The following SLC28A1 variants were observed in gnomAD, a reference collection of about 807,000 sequenced individuals.
SLC28A1 encodes the protein sodium/nucleoside cotransporter 1.
In SLC28A1, 64 loss-of-function variants were observed where a neutral mutation model predicts 74.8. That is an observed-to-expected ratio of 0.86 (90% confidence interval 0.70 to 1.05). The LOEUF (loss-of-function observed/expected upper bound fraction) is 1.05, where lower values mean the gene tolerates loss of function less well. Ranked by LOEUF, SLC28A1 falls within the 50% of genes least tolerant of loss-of-function variation. SLC28A1 has a pLI of 0.00. For synonymous variants in SLC28A1, 359 were observed against 335.0 expected (o/e 1.07, Z -0.78); for missense variants, 828 against 822.8 (o/e 1.01, Z -0.08).
At position 84,933,138 on chromosome 15, in the gene SLC28A1, C is replaced by A. The variant is rs771023007; in HGVS notation, c.1084-7C>A. The A allele has an allele frequency of 2.7e-5, 44 of 1,612,924 alleles. No homozygotes were observed. Among genetic ancestry groups the A allele is most frequent in the Non-Finnish European group, 3.6e-5 (43 of 1,179,462 alleles). On this transcript the variant is annotated splice_polypyrimidine_tract_variant and splice_region_variant and intron_variant, in intron 12 of 18. Transcript: ENST00000394573. ...TCCACCTAGAACCTGCACTCTCACT[C>A]TTGCAGATCGATGCCACCTCGTTGA...
Position 84,944,516 on chromosome 15 carries a change from C to A in SLC28A1, c.1664-50C>A, listed in dbSNP as rs17215871. 86 of 1,308,388 alleles carry A rather than the reference C, an allele frequency of 6.6e-5. 1 individual carries two copies. The highest frequency in any genetic ancestry group is 2.3e-5 in the East Asian group (1 of 43,400). 81.0% of individuals were successfully genotyped at this position (1,308,388 alleles called of 1,614,324 possible). On this transcript the variant is annotated intron_variant, in intron 16 of 18. Transcript: ENST00000394573. Reference sequence around the variant, plus strand: ...TGCAGCCCGAGCTGCGGAACGCGGGCAGAGAGGGACACAGCTTCCCAGGCC... The same window carrying A: ...TGCAGCCCGAGCTGCGGAACGCGGGAAGAGAGGGACACAGCTTCCCAGGCC...
At chr15:84,885,451 G>T (rs899959160) in intron 1 of SLC28A1, among the ~76,000 whole-genome samples, 22 of 151,744 alleles carry the variant, frequency 1.4e-4, no homozygotes, top group Admixed American at 9.8e-4. Flanking sequence ...TGGAGAAAAG[G>T]CCAGGCGCGG....
At chr15:84,944,449 C>G (rs1973076185) in intron 16 of SLC28A1, 117 bp from the exon 17 acceptor site, 3 of 750,420 alleles carry the variant, frequency 4.0e-6, no homozygotes, top group Non-Finnish European at 7.2e-6. Flanking sequence ...ACATCTGTCC[C>G]TCTGGCCATC....
Position 84,887,852 on chromosome 15 carries a change from G to A in SLC28A1, c.92G>A (p.Ser31Asn). ...AACATGGGGGCTGATTTCTTGGAAAGCCTGGTCTGTACCCTTCCCCATCAG... is the reference window on the plus strand; with the variant it reads ...AACATGGGGGCTGATTTCTTGGAAAACCTGGTCTGTACCCTTCCCCATCAG... ...LENMGADFLE[S>N]LEEGQLPRSD... is the part of the protein sequence containing the mutation. The change falls in exon 3 of 19, where the codon AGC becomes AAC. Residue 31 changes from serine to asparagine, a missense_variant. Transcript: ENST00000394573. The A allele has an allele frequency of 6.2e-7, 1 of 1,611,128 alleles. No homozygotes were observed. The highest frequency in any genetic ancestry group is 1.3e-5 in the African/African-American group (1 of 74,950).
the SLC28A1 span, among the ~76,000 whole-genome samples, chr15:84,956,442 C>CTTTCTTTCTTT: frequency 8.0e-6 from 1 of 124,568 alleles, no homozygotes; most frequent in Non-Finnish European, 1.6e-5. Context: ...TTCCTTCCTT[C>CTTTCTTTCTTT]CTTTCTTTCT....
chr15:84,921,101 A>T (rs1424744557), intron 11 of SLC28A1, 32 bp downstream of exon 11: 1 of 1,529,070 alleles, frequency 6.5e-7, no homozygotes, highest in Admixed American at 1.7e-5. Flanking sequence ...CCTCATGCTC[A>T]TCAGCAGCTT....
At chr15:84,927,862 G>T (rs894212512) in intron 12 of SLC28A1, among the ~76,000 whole-genome samples, 1 of 151,814 alleles carries the variant, frequency 6.6e-6, no homozygotes, top group African/African-American at 2.4e-5. Flanking sequence ...TTCAAAAATG[G>T]AAACCCAAAA....
chr15:84,932,996 A>G, intron 12 of SLC28A1, 149 bp from the exon 13 acceptor site: 1 of 750,928 alleles, frequency 1.3e-6, no homozygotes, highest in South Asian at 1.4e-5. Context: ...AAAAGGTATT[A>G]TTATTATTAG....
chr15:84,888,717 G>A, intron 3 of SLC28A1, 55 bp from the exon 4 acceptor site: 1 of 1,312,676 alleles, frequency 7.6e-7, no homozygotes, highest in Non-Finnish European at 1.1e-6. Flanking sequence ...CCAGCTGTAA[G>A]TTCCTGGGGG....
chr15:84,901,663 A>G (rs1230380518), intron 6 of SLC28A1, among the ~76,000 whole-genome samples: 1 of 152,270 alleles, frequency 6.6e-6, no homozygotes, highest in East Asian at 1.9e-4. Flanking sequence ...GCAGAAAGAG[A>G]TATTACCATA....
intron 10 of SLC28A1, among the ~76,000 whole-genome samples, chr15:84,920,719 T>G (rs1360311634): frequency 6.6e-6 from 1 of 152,106 alleles, no homozygotes; most frequent in Non-Finnish European, 1.5e-5. Context: ...TGTGTGTGTG[T>G]GTGTGCATTT....
chr15:84,912,388 T>C (rs1968384711), intron 9 of SLC28A1, among the ~76,000 whole-genome samples: 1 of 152,190 alleles, frequency 6.6e-6, no homozygotes. Flanking sequence ...AGCTGCTTCC[T>C]GCTGGGCCAT....
chr15:84,920,788 A>G (rs945262672), intron 10 of SLC28A1, among the ~76,000 whole-genome samples: 1 of 151,998 alleles, frequency 6.6e-6, no homozygotes, highest in African/African-American at 2.4e-5. Flanking sequence ...GGTGAAATGA[A>G]TGGCCTTGGG....
intron 6 of SLC28A1, 86 bp downstream of exon 6, chr15:84,895,209 G>A (rs1965851330): frequency 6.3e-7 from 1 of 1,583,590 alleles, no homozygotes; most frequent in South Asian, 1.1e-5. Context: ...AGGGCTGGAG[G>A]AGGAGGAAGG....
chr15:84,965,287 T>C, the SLC28A1 span, among the ~76,000 whole-genome samples: 1 of 152,188 alleles, frequency 6.6e-6, no homozygotes, highest in Non-Finnish European at 1.5e-5. Flanking sequence ...ATTGTAAGTT[T>C]CCTGAGGCCT....
chr15:84,904,132 T>C lies in SLC28A1; in HGVS notation c.497T>C (p.Leu166Pro), dbSNP rs768561876. Residue 166 changes from leucine to proline, a missense_variant, in exon 7 of 19, where the codon CTG becomes CCG. Physicochemically the swap from Leu to Pro is moderately conservative, Grantham distance 98. This residue lies in a region of SLC28A1 where 767 missense variants were observed against 753.5 expected (regional missense o/e 1.02). Coordinates refer to ENST00000394573, the MANE Select transcript of SLC28A1 (RefSeq NM_004213.5). The stretch of plus-strand genomic sequence containing the variant: ...CTTGCTGCTTTCCTGGGCCTGGTCC[T>C]GTGGCTGTCTCTGGACACCTCCCAG... ...LALAAFLGLV[L>P]WLSLDTSQRP... 11 of 1,614,196 alleles carry C rather than the reference T, an allele frequency of 6.8e-6. No individual in the cohort carries two copies. The highest frequency in any genetic ancestry group is 5.5e-5 in the South Asian group (5 of 91,064).
chr15:84,918,468 G>A (rs1969401430), intron 9 of SLC28A1, 56 bp from the exon 10 acceptor site: 2 of 1,415,590 alleles, frequency 1.4e-6, no homozygotes, highest in Non-Finnish European at 2.0e-6. Context: ...GCCCCGCCTG[G>A]CACCCTGCAT....
intron 10 of SLC28A1, 104 bp downstream of exon 10, chr15:84,918,708 C>A: frequency 1.2e-6 from 1 of 862,064 alleles, no homozygotes; most frequent in Non-Finnish European, 2.0e-6. Context: ...CCTCCCCAGA[C>A]ACACTGCTCC....
At position 84,887,791 on chromosome 15, in the gene SLC28A1, T is replaced by G; in HGVS notation, c.31T>G (p.Ser11Ala). MENDPSRRRE[S>A]ISLTPVAKGL... ...GAACGACCCCTCGAGACGAAGAGAGTCCATCTCTCTCACACCTGTGGCCAA... is the reference window on the plus strand; with the variant it reads ...GAACGACCCCTCGAGACGAAGAGAGGCCATCTCTCTCACACCTGTGGCCAA... The change falls in exon 3 of 19, where the codon TCC (serine) becomes GCC (alanine). Residue 11 changes from serine to alanine, a missense_variant. Ser to Ala is a moderately conservative substitution (Grantham distance 99, BLOSUM62 1). Around this residue, in one of 3 missense-constraint regions of SLC28A1, gnomAD observed 767 missense variants for 753.5 expected, o/e 1.02. Coordinates refer to ENST00000394573, the MANE Select transcript of SLC28A1 (RefSeq NM_004213.5). 1 of 1,613,336 alleles carries G rather than the reference T, an allele frequency of 6.2e-7. No homozygotes were observed. Among genetic ancestry groups the G allele is most frequent in the Non-Finnish European group, 8.5e-7 (1 of 1,179,702 alleles).
Sources: allele counts gnomAD v4.1 joint callset (sites outside exome capture counted in the v4.1 genomes callset), GRCh38; gene constraint gnomAD v4.1.1; regional missense constraint gnomAD v4.1.1; transcripts MANE v1.5; gene names NCBI Gene and HGNC (gene_info 2026-07-23, HGNC 2026-07-21).